AKR1B10: variants seen among roughly 807,000 people sequenced by gnomAD.
The protein encoded by AKR1B10 is aldo-keto reductase family 1 member B10, also known as ARP.
Under a neutral mutation model 38.9 loss-of-function variants are expected in AKR1B10, and 39 were observed. The observed-to-expected ratio is 1.00, with a 90% CI of 0.78 to 1.31. The LOEUF (loss-of-function observed/expected upper bound fraction) is 1.31, where lower values mean the gene tolerates loss of function less well. Ranked by LOEUF, AKR1B10 falls within the 50% of genes most tolerant of loss-of-function variation. AKR1B10 has a pLI of 0.00. For missense variants in AKR1B10, 361 were observed against 382.6 expected (o/e 0.94, Z 0.47); for synonymous variants, 148 against 141.2 (o/e 1.05, Z -0.34).
At chr7:134,537,707 A>T (rs1808050964) in intron 7 of AKR1B10, 46 bp downstream of exon 7, 1 of 1,604,084 alleles carries the variant, frequency 6.2e-7, no homozygotes, top group African/African-American at 1.3e-5. Context: ...TCATTCTTCC[A>T]GTCTCGTGTT....
intron 1 of AKR1B10, 56 bp from the exon 2 acceptor site, chr7:134,530,587 G>A: frequency 6.3e-7 from 1 of 1,596,582 alleles, no homozygotes; most frequent in Non-Finnish European, 8.6e-7. Context: ...CAACACGGCA[G>A]GGCCCCATCT....
rs776573145 is a variant in AKR1B10, at chr7:134,530,647, C to T, written c.71C>T (p.Pro24Leu). The change falls in exon 2 of 10, where the codon CCT becomes CTT. Residue 24 changes from proline to leucine, a missense_variant. Physicochemically the swap from Pro to Leu is moderately conservative, Grantham distance 98. Around this residue, in one of 3 missense-constraint regions of AKR1B10, gnomAD observed 220 missense variants for 216.1 expected, o/e 1.02. Transcript: ENST00000359579. ...AGCTTTTCTTTTGCCTTTCAGTCTC[C>T]TCTTGGCAAAGTGAAAGAAGCAGTG... ...PIVGLGTWKS[P>L]LGKVKEAVKV... is the part of the protein sequence containing the mutation. 5 of 1,613,964 alleles carry T rather than the reference C, an allele frequency of 3.1e-6. No individual in the cohort carries two copies. Among genetic ancestry groups the T allele is most frequent in the South Asian group, 1.1e-5 (1 of 91,076 alleles).
chr7:134,540,350 C>G (rs1225994271), intron 9 of AKR1B10, among the ~76,000 whole-genome samples: 1 of 152,098 alleles, frequency 6.6e-6, no homozygotes. Flanking sequence ...TGGAGCTTAA[C>G]AAAGTAGTAG....
intron 8 of AKR1B10, 125 bp downstream of exon 8, chr7:134,538,402 A>C: frequency 1.0e-6 from 1 of 967,842 alleles, no homozygotes; most frequent in Admixed American, 2.2e-5. Flanking sequence ...CCACCCTATC[A>C]TTTTCCAGCC....
chr7:134,537,289 C>G, intron 6 of AKR1B10, 132 bp downstream of exon 6: 2 of 1,305,612 alleles, frequency 1.5e-6, no homozygotes, highest in East Asian at 5.1e-5. Context: ...TTGGTACACA[C>G]AAATGGGATG....
rs879243211 is a variant in AKR1B10 at position 134,538,860 on chromosome 7, C to A, written c.826-75C>A. The A allele has an allele frequency of 2.6e-5, 40 of 1,555,990 alleles. No homozygotes were observed. In the South Asian group the frequency reaches 3.9e-4, roughly 15 times the overall value. Reference sequence around the variant, plus strand: ...GCTGTGAATGTGAGCTCCCTCCCTGCTAGAATGGCCGGCAGTCTCCAGCCA... The same window carrying A: ...GCTGTGAATGTGAGCTCCCTCCCTGATAGAATGGCCGGCAGTCTCCAGCCA... On this transcript the variant is annotated intron_variant, in intron 8 of 9. Coordinates refer to ENST00000359579, the MANE Select transcript of AKR1B10 (RefSeq NM_020299.5).
At chr7:134,532,290 A>G (rs1807882318) in intron 3 of AKR1B10, among the ~76,000 whole-genome samples, 2 of 152,258 alleles carry the variant, frequency 1.3e-5, no homozygotes, top group South Asian at 4.2e-4. Context: ...GGCAGCCCAG[A>G]CAAGTTGCAA....
rs1808141907 is a variant in AKR1B10, at chr7:134,541,192, A to T, written c.*103A>T. The T allele has an allele frequency of 2.3e-6, 2 of 859,056 alleles. No individual in the cohort carries two copies. Among genetic ancestry groups the T allele is most frequent in the African/African-American group, 3.4e-5 (2 of 58,684 alleles). 53.2% of individuals were successfully genotyped at this position (859,056 alleles called of 1,614,324 possible). On this transcript the variant is annotated 3_prime_UTR_variant, in exon 10 of 10. Transcript: ENST00000359579. ...TTTAGCCAAGCTTATTTAAGATCAC[A>T]GTGAACTTAGTCCTGTTATAGACGA...
At chr7:134,539,199 T>C in intron 9 of AKR1B10, 182 bp downstream of exon 9, 2 of 662,556 alleles carry the variant, frequency 3.0e-6, no homozygotes, top group Admixed American at 2.8e-5. Context: ...CTCTAATTGC[T>C]GCTCATTGTC....
chr7:134,539,919 G>T (rs148084829), intron 9 of AKR1B10, among the ~76,000 whole-genome samples: 2,238 of 152,302 alleles, frequency 0.015, 137 homozygotes, highest in Admixed American at 0.12. Flanking sequence ...AGCCAAAAAC[G>T]ATTTTTCACC....
At chr7:134,539,096 G>A in intron 9 of AKR1B10, 79 bp downstream of exon 9, 1 of 1,559,670 alleles carries the variant, frequency 6.4e-7, no homozygotes, top group Non-Finnish European at 8.8e-7. Context: ...AGGATTGGAA[G>A]GCTGCTGGGA....
intron 9 of AKR1B10, among the ~76,000 whole-genome samples, chr7:134,539,798 A>G (rs1052696496): frequency 2.0e-5 from 3 of 152,208 alleles, no homozygotes; most frequent in African/African-American, 7.2e-5. Flanking sequence ...TTTACAAGCA[A>G]TACTTTCTGA....
intron 9 of AKR1B10, among the ~76,000 whole-genome samples, chr7:134,540,039 A>G (rs1808106946): frequency 6.6e-6 from 1 of 152,112 alleles, no homozygotes; most frequent in Non-Finnish European, 1.5e-5. Flanking sequence ...CATCCTGGCT[A>G]ACATGGTGAA....
chr7:134,540,920 T>C, intron 9 of AKR1B10, 127 bp from the exon 10 acceptor site: 1 of 705,398 alleles, frequency 1.4e-6, no homozygotes, highest in Admixed American at 2.5e-5. Context: ...CCTTATGTTC[T>C]TGCAGGGAGG....
intron 9 of AKR1B10, 107 bp from the exon 10 acceptor site, chr7:134,540,940 G>A (rs575836073): frequency 1.6e-5 from 13 of 823,314 alleles, no homozygotes; most frequent in Non-Finnish European, 2.6e-5. Context: ...GAGGCTAAGA[G>A]AGCACAAATA....
At position 134,533,083 on chromosome 7, in the gene AKR1B10, T is replaced by C. The variant is rs752546551; in HGVS notation, c.429+2T>C. The C allele has an allele frequency of 6.3e-7, 1 of 1,590,986 alleles. No homozygotes were observed. The highest frequency in any genetic ancestry group is 1.8e-5 in the Admixed American group (1 of 54,676). On this transcript the variant is annotated splice_donor_variant, in intron 4 of 9. Coordinates refer to ENST00000359579, the MANE Select transcript of AKR1B10 (RefSeq NM_020299.5). LOFTEE classifies it high-confidence loss of function. The stretch of plus-strand genomic sequence containing the variant: ...GCAACGTTCTTGGATGCCTGGGAGG[T>C]AGGTTCCCAGCTTCCTCTAAGTGTG...
Position 134,538,220 on chromosome 7 carries a change from G to C in AKR1B10, c.768G>C (p.Arg256Ser). 1 of 1,614,094 alleles carries C rather than the reference G, an allele frequency of 6.2e-7. No homozygotes were observed. The highest frequency in any genetic ancestry group is 8.5e-7 in the Non-Finnish European group (1 of 1,179,986). Residue 256 changes from arginine to serine, a missense_variant, in exon 8 of 10, where the codon AGG (arginine) becomes AGC (serine). Around this residue, in one of 3 missense-constraint regions of AKR1B10, gnomAD observed 132 missense variants for 134.6 expected, o/e 0.98. Transcript: ENST00000359579. Reference protein sequence around the residue: ...AQVLIRFHIQRNVIVIPKSVT... With the variant: ...AQVLIRFHIQSNVIVIPKSVT... ...TTCTGATCCGTTTCCATATCCAGAG[G>C]AATGTGATTGTCATCCCCAAGTCTG... is the stretch of plus-strand genomic sequence containing the variant.
At position 134,537,491 on chromosome 7, in the gene AKR1B10, T is replaced by C. The variant is rs542076632; in HGVS notation, c.660-89T>C. The C allele has an allele frequency of 9.2e-4, 1,268 of 1,375,958 alleles. 6 individuals are homozygous for C. The African/African-American group carries it at 0.015, about 17-fold the overall frequency. 85.2% of individuals were successfully genotyped at this position (1,375,958 alleles called of 1,614,324 possible). The stretch of plus-strand genomic sequence containing the variant: ...TGTCTCCCAGATGGAGAGGCTCTGA[T>C]GATCAGTCTTGAGACCCTCATTGGA... On this transcript the variant is annotated intron_variant, in intron 6 of 9. Transcript: ENST00000359579.
At chr7:134,534,130 T>C (rs1237678446) in intron 4 of AKR1B10, among the ~76,000 whole-genome samples, 1 of 152,220 alleles carries the variant, frequency 6.6e-6, no homozygotes, top group African/African-American at 2.4e-5. Context: ...CTTTTTGTTG[T>C]TTTTATTGTC....
Sources: allele counts gnomAD v4.1 joint callset (sites outside exome capture counted in the v4.1 genomes callset), GRCh38; gene constraint gnomAD v4.1.1; regional missense constraint gnomAD v4.1.1; transcripts MANE v1.5; gene names NCBI Gene and HGNC (gene_info 2026-07-23, HGNC 2026-07-21).